The following ZKSCAN7 variants were observed in gnomAD, a reference collection of about 807,000 sequenced individuals.
The protein encoded by ZKSCAN7 is zinc finger with KRAB and SCAN domains 7.
A neutral mutation model predicts 65.3 loss-of-function variants in ZKSCAN7; 38 were observed. That is an observed-to-expected ratio of 0.58 (90% CI 0.45 to 0.76). The LOEUF (loss-of-function observed/expected upper bound fraction) is 0.76, where lower values mean the gene tolerates loss of function less well. ZKSCAN7 is among the 30% of genes least tolerant of loss of function. ZKSCAN7 has a pLI of 0.00. For synonymous variants in ZKSCAN7, 321 were observed against 321.0 expected (o/e 1.00, Z 0.00); for missense variants, 815 against 913.3 (o/e 0.89, Z 1.39).
At position 44,567,957 on chromosome 3, in the gene ZKSCAN7, C is replaced by T. The variant is rs1440515204; in HGVS notation, c.638C>T (p.Ser213Leu). Residue 213 changes from serine (S) to leucine (L), a missense_variant, in exon 4 of 6, where the codon TCA becomes TTA. Physicochemically the swap from Ser to Leu is moderately radical, Grantham distance 145. Around this residue, in one of 3 missense-constraint regions of ZKSCAN7, gnomAD observed 10 missense variants for 30.5 expected, o/e 0.33. Coordinates refer to ENST00000426540, the MANE Select transcript of ZKSCAN7 (RefSeq NM_001288590.2). Reference sequence around the variant, plus strand: ...CCTACCCTTCCTCAAGTGGGGAACTCAGGAGACCAAGCAGGGGCAACTGTA... The same window carrying T: ...CCTACCCTTCCTCAAGTGGGGAACTTAGGAGACCAAGCAGGGGCAACTGTA... ...PVPTLPQVGNSGDQAGATVLR... is the reference protein window; with the variant it reads ...PVPTLPQVGNLGDQAGATVLR... 1 of 1,388,444 alleles carries T rather than the reference C, an allele frequency of 7.2e-7. No individual in the cohort carries two copies. Among genetic ancestry groups the T allele is most frequent in the South Asian group, 1.3e-5 (1 of 76,668 alleles). The allele number at this position is 1,388,444 out of a possible 1,614,324, so 86.0% of individuals were successfully genotyped here. A position where few individuals can be genotyped will look rare whatever the true frequency, so the allele number is the denominator to read the frequency against.
intron 3 of ZKSCAN7, 78 bp from the exon 4 acceptor site, chr3:44,567,834 T>C (rs1699679399): frequency 1.7e-6 from 1 of 602,016 alleles, no homozygotes; most frequent in Non-Finnish European, 3.0e-6. Flanking sequence ...TTCTCTTGAA[T>C]CCACTTATTG....
intron 2 of ZKSCAN7, among the ~76,000 whole-genome samples, chr3:44,564,823 C>T (rs567062800): frequency 6.6e-6 from 1 of 151,710 alleles, no homozygotes; most frequent in East Asian, 1.9e-4. Context: ...TTTTTTGAGA[C>T]GGAGTCTCGC....
Position 44,571,485 on chromosome 3 carries a change from A to T in ZKSCAN7, c.*110A>T. On this transcript the variant is annotated 3_prime_UTR_variant, in exon 6 of 6. Coordinates refer to ENST00000426540, the MANE Select transcript of ZKSCAN7 (RefSeq NM_001288590.2). ...CAGTAGTCACGGTGGACCATTCCCTACTTGCTTTTCCTTGGATCACTAAGG... is the reference window on the plus strand; with the variant it reads ...CAGTAGTCACGGTGGACCATTCCCTTCTTGCTTTTCCTTGGATCACTAAGG... 2 of 1,590,050 alleles carry T rather than the reference A, an allele frequency of 1.3e-6. No homozygotes were observed. The highest frequency in any genetic ancestry group is 1.7e-6 in the Non-Finnish European group (2 of 1,173,532).
downstream of ZKSCAN7, among the ~76,000 whole-genome samples, chr3:44,575,519 T>TA (rs747957937): frequency 3.9e-5 from 6 of 152,248 alleles, no homozygotes; most frequent in Non-Finnish European, 8.8e-5. Context: ...TATCAAGTTA[T>TA]AAAAAATCTA....
downstream of ZKSCAN7, among the ~76,000 whole-genome samples, chr3:44,572,954 C>T (rs1699850948): frequency 6.6e-6 from 1 of 151,934 alleles, no homozygotes; most frequent in Non-Finnish European, 1.5e-5. Flanking sequence ...AGCAGCATTC[C>T]CTGATGCTTG....
chr3:44,565,720 C>T (rs1559426019), intron 3 of ZKSCAN7, 65 bp downstream of exon 3: 1 of 1,421,726 alleles, frequency 7.0e-7, no homozygotes, highest in Non-Finnish European at 9.3e-7. Flanking sequence ...GTCTCCTTTC[C>T]TTTATCTGCC....
chr3:44,567,185 GAAAA>G, intron 3 of ZKSCAN7, among the ~76,000 whole-genome samples: 1 of 150,026 alleles, frequency 6.7e-6, no homozygotes, highest in Non-Finnish European at 1.5e-5. Context: ...AGAAAAGAGA[GAAAA>G]GAAAGAGAGG....
rs773167093 is a variant in ZKSCAN7, at chr3:44,557,362, C to A, written c.315C>A (p.Ile105=). 1.9e-6 allele frequency: 3 copies of A among 1,614,122 alleles called. No homozygotes were observed. Among genetic ancestry groups the A allele is most frequent in the Non-Finnish European group, 2.5e-6 (3 of 1,180,058 alleles). Residue 105 remains isoleucine (I), a synonymous_variant, in exon 2 of 6, where the codon ATC becomes ATA. Coordinates refer to ENST00000426540, the MANE Select transcript of ZKSCAN7 (RefSeq NM_001288590.2). ...ELLVLEQFLS[I]LPGELRTWVQ... ...TGGTGCTTGAGCAGTTCCTGAGCAT[C>A]CTCCCTGGGGAGCTCCGGACCTGGG...
intron 5 of ZKSCAN7, among the ~76,000 whole-genome samples, chr3:44,577,831 G>A (rs558385825): frequency 1.3e-5 from 2 of 152,354 alleles, no homozygotes; most frequent in South Asian, 4.1e-4. Flanking sequence ...AACAACAGCA[G>A]TAAAACAAAG....
intron 5 of ZKSCAN7, among the ~76,000 whole-genome samples, chr3:44,578,490 G>A (rs979767563): frequency 2.6e-5 from 4 of 152,210 alleles, no homozygotes; most frequent in Non-Finnish European, 5.9e-5. Flanking sequence ...TGGCACTGCC[G>A]CAGGGCCTGC....
At chr3:44,560,124 A>T (rs9810216) in intron 2 of ZKSCAN7, among the ~76,000 whole-genome samples, 49,496 of 152,072 alleles carry the variant, frequency 0.33, 8,790 homozygotes, top group African/African-American at 0.41. Flanking sequence ...GACTAACAGT[A>T]GACAGTGAGG....
rs531935715 is a variant in ZKSCAN7 at position 44,566,987 on chromosome 3, G to A, written c.593-925G>A. On this transcript the variant is annotated intron_variant, in intron 3 of 5. Transcript: ENST00000426540. ...AAAAATTAGCCAGGCATAGTGGCAG[G>A]TACTTGTAATCCCAGCTACTCCAGA... is the stretch of plus-strand genomic sequence containing the variant. Among the ~76,000 whole-genome samples, 58 of 152,064 alleles carry A rather than the reference G, an allele frequency of 3.8e-4. 2 individuals are homozygous for A. In the South Asian group the frequency reaches 6.7e-3, roughly 17 times the overall value.
intron 5 of ZKSCAN7, 137 bp downstream of exon 5, chr3:44,568,570 T>G (rs1258375232): frequency 1.6e-6 from 2 of 1,219,830 alleles, no homozygotes; most frequent in East Asian, 5.0e-5. Flanking sequence ...AGGGACCCTT[T>G]CTGCATTCAT....
Position 44,581,071 on chromosome 3 carries a change from G to C in ZKSCAN7, c.812-1901G>C, listed in dbSNP as rs1172662488. The C allele has an allele frequency of 7.8e-5, 100 of 1,275,856 alleles. 2 individuals carry two copies. The South Asian group carries it at 1.7e-3, about 21-fold the overall frequency. 79.0% of individuals were successfully genotyped at this position (1,275,856 alleles called of 1,614,324 possible). A position where few individuals can be genotyped will look rare whatever the true frequency, so the allele number is the denominator to read the frequency against. ...GCGGCGCAGGCCCGGCCGGCCTGGCGCTCCCGGCGGGCTAGGGGCTCAGCG... is the reference window on the plus strand; with the variant it reads ...GCGGCGCAGGCCCGGCCGGCCTGGCCCTCCCGGCGGGCTAGGGGCTCAGCG... On this transcript the variant is annotated intron_variant, in intron 5 of 5. Transcript: ENST00000341840.
In ZKSCAN7 at chr3:44,571,594, CT is replaced by C. The variant is rs35509141; in HGVS notation, c.*228del. 133,784 of 1,328,780 alleles carry C rather than the reference CT, an allele frequency of 0.1. 7,554 individuals carry two copies. The highest frequency in any genetic ancestry group is 0.11 in the Non-Finnish European group (118,482 of 1,041,754). The allele number at this position is 1,328,780 out of a possible 1,614,324, so 82.3% of individuals were successfully genotyped here. A position where few individuals can be genotyped will look rare whatever the true frequency, so the allele number is the denominator to read the frequency against. On this transcript the variant is annotated 3_prime_UTR_variant, in exon 6 of 6. Coordinates refer to ENST00000426540, the MANE Select transcript of ZKSCAN7 (RefSeq NM_001288590.2). The stretch of plus-strand genomic sequence containing the variant: ...CACATGTCATTGAATTGTAGGTTTC[CT>C]TTTTTTTTCTTTACTTTTAAATTTT...
chr3:44,563,366 A>G (rs1357721960), intron 2 of ZKSCAN7, among the ~76,000 whole-genome samples: 2 of 152,130 alleles, frequency 1.3e-5, no homozygotes, highest in Non-Finnish European at 2.9e-5. Flanking sequence ...CCAATTTTCT[A>G]TGTTAGTCCT....
At chr3:44,580,387 T>C in intron 5 of ZKSCAN7, 1 of 1,605,126 alleles carries the variant, frequency 6.2e-7, no homozygotes, top group Non-Finnish European at 8.5e-7. Flanking sequence ...CTCAGACTGC[T>C]GCCATCTGGC....
chr3:44,557,093 A>G lies in ZKSCAN7; in HGVS notation c.46A>G (p.Thr16Ala). 2 of 1,614,236 alleles carry G rather than the reference A, an allele frequency of 1.2e-6. No individual in the cohort carries two copies. The highest frequency in any genetic ancestry group is 1.7e-6 in the Non-Finnish European group (2 of 1,180,044). The change falls in exon 2 of 6, where the codon ACT becomes GCT. Residue 16 changes from threonine (T) to alanine (A), a missense_variant. Transcript: ENST00000426540. ...RGNLGLIPRSTAFQKQEGRLT... is the reference protein window; with the variant it reads ...RGNLGLIPRSAAFQKQEGRLT... ...AAATTTAGGCCTCATCCCCAGGAGC[A>G]CTGCTTTCCAGAAGCAAGAGGGGCG...
chr3:44,565,344 A>G, intron 2 of ZKSCAN7, 143 bp from the exon 3 acceptor site: 5 of 718,380 alleles, frequency 7.0e-6, no homozygotes, highest in South Asian at 2.9e-5. Context: ...TTTTTCCCCC[A>G]GTAGACTGTA....
Sources: allele counts gnomAD v4.1 joint callset (sites outside exome capture counted in the v4.1 genomes callset), GRCh38; gene constraint gnomAD v4.1.1; regional missense constraint gnomAD v4.1.1; transcripts MANE v1.5; gene names NCBI Gene and HGNC (gene_info 2026-07-23, HGNC 2026-07-21).